Variants in TYR observed in about 807,000 individuals in gnomAD.
TYR encodes tyrosinase, also known as LB24-AB.
Under a neutral mutation model 51.5 loss-of-function variants are expected in TYR, and 58 were observed. That is an observed-to-expected ratio of 1.13 (90% CI 0.91 to 1.40). The LOEUF (loss-of-function observed/expected upper bound fraction) is 1.40. Ranked by LOEUF, TYR falls within the 40% of genes most tolerant of loss-of-function variation. The probability of loss-of-function intolerance (pLI) is 0.00; values close to 1 mark genes in which losing one functional copy is unlikely to be tolerated. For missense variants in TYR, 732 were observed against 647.4 expected, an observed-to-expected ratio of 1.13 and a Z score of -1.42; for synonymous variants, 263 against 235.2, an observed-to-expected ratio of 1.12 and a Z score of -1.08.
At chr11:89,277,821 C>T (rs1344854277) in intron 3 of TYR, among the ~76,000 whole-genome samples, 1 of 151,570 alleles carries the variant, frequency 6.6e-6, no homozygotes, top group African/African-American at 2.4e-5. Context: ...TTTCTTTATC[C>T]CCCTGATGCG....
At chr11:89,286,772 G>T (rs947825414) in intron 4 of TYR, among the ~76,000 whole-genome samples, 1 of 151,824 alleles carries the variant, frequency 6.6e-6, no homozygotes, top group Non-Finnish European at 1.5e-5. Flanking sequence ...TAAGAACAGA[G>T]AAATTTGCAA....
intron 4 of TYR, among the ~76,000 whole-genome samples, chr11:89,292,119 T>A (rs1944858749): frequency 6.6e-6 from 1 of 152,054 alleles, no homozygotes; most frequent in Non-Finnish European, 1.5e-5. Flanking sequence ...CATAACATAG[T>A]GAAATATGAG....
chr11:89,206,734 T>A (rs1185204020), intron 2 of TYR, among the ~76,000 whole-genome samples: 1 of 152,074 alleles, frequency 6.6e-6, no homozygotes, highest in Non-Finnish European at 1.5e-5. Context: ...CCTTGAGCCA[T>A]AAAGCAAATA....
chr11:89,235,730 A>G (rs1175949165), intron 3 of TYR, among the ~76,000 whole-genome samples: 1 of 152,136 alleles, frequency 6.6e-6, no homozygotes, highest in Non-Finnish European at 1.5e-5. Context: ...ACAAAGTTTT[A>G]GTTAGACATG....
At chr11:89,200,428 CT>C (rs1435333974) in intron 2 of TYR, 1 of 152,096 alleles carries the variant, frequency 6.6e-6, no homozygotes, top group Admixed American at 6.6e-5. Flanking sequence ...ATACATAGGA[CT>C]GCTTTGTAAT....
At position 89,204,800 on chromosome 11, in the gene TYR, C is replaced by A. The variant is rs1458054673; in HGVS notation, c.1036+13382C>A. Reference sequence around the variant, plus strand: ...AAACAGAAAATAATCCCTTATCATACTAAGAAAAGTTACATCCTTGAATTA... The same window carrying A: ...AAACAGAAAATAATCCCTTATCATAATAAGAAAAGTTACATCCTTGAATTA... On this transcript the variant is annotated intron_variant, in intron 2 of 4. Transcript: ENST00000263321. Among the ~76,000 whole-genome samples the A allele has an allele frequency of 3.4e-5, 5 of 149,182 alleles. 1 individual carries two copies. The South Asian group carries it at 1.1e-3, about 32-fold the overall frequency.
At chr11:89,294,144 A>C (rs1234448748) in intron 4 of TYR, 1 of 154,372 alleles carries the variant, frequency 6.5e-6, no homozygotes, top group Non-Finnish European at 1.4e-5. Flanking sequence ...AACTTCAGGA[A>C]ATGCTCCACC....
At chr11:89,284,983 G>T (rs376579335) in intron 4 of TYR, 29 bp downstream of exon 4, 1 of 1,584,216 alleles carries the variant, frequency 6.3e-7, no homozygotes, top group African/African-American at 1.3e-5. Flanking sequence ...CAGAGGAATT[G>T]CTGAATCTAG....
chr11:89,217,833 T>C (rs1051418230), intron 2 of TYR, among the ~76,000 whole-genome samples: 1 of 149,870 alleles, frequency 6.7e-6, no homozygotes, highest in Non-Finnish European at 1.5e-5. Context: ...TAGTTTCCCA[T>C]GTTATCCCAT....
chr11:89,202,622 T>TACACACACACACACACACACACACACAC (rs10526067), intron 2 of TYR, among the ~76,000 whole-genome samples: 126 of 141,362 alleles, frequency 8.9e-4, no homozygotes, highest in East Asian at 1.5e-3. Flanking sequence ...ATTTTCATAA[T>TACACACACACACACACACACACACACAC]ACACACACAC....
intron 2 of TYR, 22 bp from the exon 3 acceptor site, chr11:89,227,801 T>G (rs1313033257): frequency 6.8e-6 from 11 of 1,607,828 alleles, no homozygotes; most frequent in Non-Finnish European, 9.3e-6. Context: ...ACATATTTTT[T>G]TCATTTTTTT....
At chr11:89,245,014 TGA>T (rs1944246469) in intron 3 of TYR, among the ~76,000 whole-genome samples, 1 of 152,222 alleles carries the variant, frequency 6.6e-6, no homozygotes, top group Non-Finnish European at 1.5e-5. Context: ...CTTTAACCCC[TGA>T]ATCTGCAGCA....
intron 3 of TYR, among the ~76,000 whole-genome samples, chr11:89,240,175 CA>C (rs1403977911): frequency 6.6e-6 from 1 of 152,048 alleles, no homozygotes; most frequent in Non-Finnish European, 1.5e-5. Context: ...ATCTGTGAAG[CA>C]AACCACCCTG....
Position 89,227,763 on chromosome 11 carries a change from T to C in TYR, c.1037-60T>C. 2.8e-6 allele frequency: 4 copies of C among 1,424,754 alleles called. No individual in the cohort carries two copies. In the South Asian group the frequency reaches 4.6e-5, roughly 17 times the overall value. 88.3% of individuals were successfully genotyped at this position (1,424,754 alleles called of 1,614,324 possible). ...TATAGTTATAAATCAAATGGGATAA[T>C]CACATAGGTTTTCAGTCATTAAAGT... On this transcript the variant is annotated intron_variant, in intron 2 of 4. Transcript: ENST00000263321.
At chr11:89,229,730 G>A (rs1441840045) in intron 3 of TYR, among the ~76,000 whole-genome samples, 1 of 151,980 alleles carries the variant, frequency 6.6e-6, no homozygotes, top group Non-Finnish European at 1.5e-5. Flanking sequence ...CAAAAAATTA[G>A]TAGTGTTTCT....
intron 3 of TYR, among the ~76,000 whole-genome samples, chr11:89,232,400 C>T (rs1428247876): frequency 7.0e-6 from 1 of 143,388 alleles, no homozygotes; most frequent in Non-Finnish European, 1.5e-5. Flanking sequence ...TTCGCAGCAT[C>T]GTGGATGTAG....
In TYR at chr11:89,221,158, T is replaced by C. The variant is rs539530401; in HGVS notation, c.1037-6665T>C. 2.6e-5 allele frequency among the ~76,000 whole-genome samples: 4 copies of C among 152,318 alleles called. No individual in the cohort carries two copies. In the South Asian group the frequency reaches 8.3e-4, roughly 32 times the overall value. Reference sequence around the variant, plus strand: ...ACACACGATGGGTCCCCACCTGACTTTCTGTTCAGTGACTCACTGTTAGGG... The same window carrying C: ...ACACACGATGGGTCCCCACCTGACTCTCTGTTCAGTGACTCACTGTTAGGG... On this transcript the variant is annotated intron_variant, in intron 2 of 4. Coordinates refer to ENST00000263321, the MANE Select transcript of TYR (RefSeq NM_000372.5).
chr11:89,280,444 A>G (rs544958321), intron 3 of TYR, among the ~76,000 whole-genome samples: 1 of 151,506 alleles, frequency 6.6e-6, no homozygotes, highest in East Asian at 1.9e-4. Flanking sequence ...TATATACAAC[A>G]CTGTTGGAGT....
At chr11:89,231,844 G>A (rs543680750) in intron 3 of TYR, among the ~76,000 whole-genome samples, 1 of 140,694 alleles carries the variant, frequency 7.1e-6, no homozygotes, top group Non-Finnish European at 1.5e-5. Flanking sequence ...ATTTCGCCAG[G>A]CATGGTGGTG....
Sources: gnomAD v4.1 joint callset for allele counts (sites outside exome capture counted in the v4.1 genomes callset) on GRCh38, gnomAD v4.1.1 for gene constraint, MANE v1.5 for transcripts, NCBI Gene and HGNC (gene_info 2026-07-23, HGNC 2026-07-21) for gene names.